The following NELL1 variants were observed in gnomAD, a reference collection of about 807,000 sequenced individuals.
NELL1 encodes the protein protein kinase C-binding protein NELL1.
In NELL1, 76 loss-of-function variants were observed where a neutral mutation model predicts 107.4. That is an observed-to-expected ratio of 0.71 (90% CI 0.59 to 0.86). The LOEUF (loss-of-function observed/expected upper bound fraction) is 0.86. Ranked by LOEUF, NELL1 falls within the 40% of genes least tolerant of loss-of-function variation. The pLI is 0.00. For synonymous variants in NELL1, 353 were observed against 341.2 expected (o/e 1.03, Z -0.38); for missense variants, 1,024 against 1,005.5 (o/e 1.02, Z -0.25).
At chr11:21,102,620 G>C (rs540184703) in intron 12 of NELL1, among the ~76,000 whole-genome samples, 1 of 152,150 alleles carries the variant, frequency 6.6e-6, no homozygotes, top group Non-Finnish European at 1.5e-5. Flanking sequence ...CTTGCAAAAT[G>C]TTATACAAAT....
At chr11:20,821,529 T>G (rs1475482733) in intron 3 of NELL1, among the ~76,000 whole-genome samples, 1 of 152,140 alleles carries the variant, frequency 6.6e-6, no homozygotes, top group Non-Finnish European at 1.5e-5. Context: ...TAAAACATCT[T>G]GAATTGATTG....
chr11:20,714,388 A>G (rs565397563), intron 2 of NELL1, among the ~76,000 whole-genome samples: 1 of 150,348 alleles, frequency 6.7e-6, no homozygotes, highest in East Asian at 2.0e-4. Context: ...TTGTAGTTTT[A>G]GTAGAGACAG....
chr11:20,891,328 C>T (rs184057457), intron 5 of NELL1, among the ~76,000 whole-genome samples: 5 of 152,208 alleles, frequency 3.3e-5, no homozygotes, highest in Non-Finnish European at 7.4e-5. Context: ...ATTTTGTTAC[C>T]ACCAGGCCTG....
At chr11:21,399,357 A>G (rs1360746774) in intron 15 of NELL1, among the ~76,000 whole-genome samples, 2 of 151,704 alleles carry the variant, frequency 1.3e-5, no homozygotes, top group Admixed American at 1.3e-4. Context: ...GCAATGTGTT[A>G]GCTTAAATTA....
intron 14 of NELL1, among the ~76,000 whole-genome samples, chr11:21,342,958 CT>C (rs1347882914): frequency 6.6e-6 from 1 of 152,068 alleles, no homozygotes; most frequent in Non-Finnish European, 1.5e-5. Context: ...ACATCTTCCT[CT>C]TTGTTGTTCT....
At position 21,492,287 on chromosome 11, in the gene NELL1, A is replaced by C. The variant is rs1854842487; in HGVS notation, c.1646-42087A>C. Among the ~76,000 whole-genome samples, 5 of 152,182 alleles carry C rather than the reference A, an allele frequency of 3.3e-5. No homozygotes were observed. The South Asian group carries it at 1.0e-3, about 32-fold the overall frequency. ...TGTGGAGAAATAGGAACACTTTTAC[A>C]CTGTTGGTGGGACTGTAAACTAGTT... On this transcript the variant is annotated intron_variant, in intron 15 of 19. Coordinates refer to ENST00000357134, the MANE Select transcript of NELL1 (RefSeq NM_006157.5).
chr11:21,470,359 C>T (rs934224525), intron 15 of NELL1, among the ~76,000 whole-genome samples: 1 of 152,040 alleles, frequency 6.6e-6, no homozygotes, highest in Non-Finnish European at 1.5e-5. Flanking sequence ...CTGGTCCTTA[C>T]CTCTTATCCA....
At chr11:20,827,393 A>T (rs1464361707) in intron 3 of NELL1, among the ~76,000 whole-genome samples, 1 of 151,276 alleles carries the variant, frequency 6.6e-6, no homozygotes, top group East Asian at 1.9e-4. Flanking sequence ...TTTCTCATTG[A>T]CGGTTTTAGC....
intron 10 of NELL1, among the ~76,000 whole-genome samples, chr11:20,940,494 C>A (rs1391757644): frequency 6.6e-6 from 1 of 152,090 alleles, no homozygotes; most frequent in African/African-American, 2.4e-5. Flanking sequence ...CATGATCCAC[C>A]TGCCTCGGCC....
At chr11:20,685,427 C>T (rs1306168951) in intron 2 of NELL1, among the ~76,000 whole-genome samples, 1 of 152,080 alleles carries the variant, frequency 6.6e-6, no homozygotes, top group Non-Finnish European at 1.5e-5. Context: ...TTAGACAGTA[C>T]AGATCTGGAG....
chr11:21,015,679 C>T (rs1465858409), intron 12 of NELL1, among the ~76,000 whole-genome samples: 6 of 151,522 alleles, frequency 4.0e-5, no homozygotes, highest in Non-Finnish European at 5.9e-5. Flanking sequence ...TTTCCCTCCT[C>T]TAGTTCTTTC....
At chr11:20,776,597 G>A (rs909021542) in intron 2 of NELL1, among the ~76,000 whole-genome samples, 1 of 152,092 alleles carries the variant, frequency 6.6e-6, no homozygotes, top group Admixed American at 6.6e-5. Flanking sequence ...TTGGCCTGGG[G>A]TGGTCAGAGA....
chr11:21,108,383 C>T (rs1393111130), intron 12 of NELL1, among the ~76,000 whole-genome samples: 1 of 152,088 alleles, frequency 6.6e-6, no homozygotes, highest in Non-Finnish European at 1.5e-5. Context: ...TTTCATTTTA[C>T]AGTCCATAAG....
At chr11:21,021,436 C>T (rs532258255) in intron 12 of NELL1, among the ~76,000 whole-genome samples, 4 of 152,148 alleles carry the variant, frequency 2.6e-5, no homozygotes, top group East Asian at 1.9e-4. Flanking sequence ...CTTTGGTTCC[C>T]CCAAATAGTT....
At chr11:21,236,312 A>C (rs1014707805) in intron 14 of NELL1, among the ~76,000 whole-genome samples, 2 of 152,180 alleles carry the variant, frequency 1.3e-5, no homozygotes, top group Non-Finnish European at 2.9e-5. Context: ...CCTTGTGCAT[A>C]ATGGATGCTC....
At chr11:20,715,101 T>C (rs1487572796) in intron 2 of NELL1, among the ~76,000 whole-genome samples, 2 of 151,830 alleles carry the variant, frequency 1.3e-5, no homozygotes, top group East Asian at 1.9e-4. Context: ...AAAAATTAGC[T>C]GGGCGTGGTG....
intron 16 of NELL1, among the ~76,000 whole-genome samples, chr11:21,556,365 C>G (rs1856707884): frequency 6.6e-6 from 1 of 151,962 alleles, no homozygotes; most frequent in Non-Finnish European, 1.5e-5. Context: ...AAGTTCACTG[C>G]TTTGACCTGT....
chr11:21,156,656 G>A (rs1449905391), intron 13 of NELL1, among the ~76,000 whole-genome samples: 3 of 152,126 alleles, frequency 2.0e-5, no homozygotes, highest in Non-Finnish European at 4.4e-5. Context: ...TGACACTGAA[G>A]CAGAAAGAAG....
At chr11:21,248,965 C>T (rs1858567922) in intron 14 of NELL1, among the ~76,000 whole-genome samples, 1 of 152,112 alleles carries the variant, frequency 6.6e-6, no homozygotes, top group African/African-American at 2.4e-5. Context: ...AGGAAGCCAA[C>T]AGAGAGAACT....
Sources: allele counts gnomAD v4.1 joint callset (sites outside exome capture counted in the v4.1 genomes callset), GRCh38; gene constraint gnomAD v4.1.1; transcripts MANE v1.5; gene names NCBI Gene and HGNC (gene_info 2026-07-23, HGNC 2026-07-21).